Variants in COG6 observed in about 807,000 individuals in gnomAD.
The protein encoded by COG6 is conserved oligomeric Golgi complex subunit 6.
COG6 carries 74 observed loss-of-function variants against 88.8 expected under a neutral mutation model. The ratio of observed to expected loss-of-function variants is 0.83; its 90% CI spans 0.69 to 1.01. The LOEUF (loss-of-function observed/expected upper bound fraction) is 1.01. COG6 is among the 50% of genes least tolerant of loss of function. The pLI is 0.00. For synonymous variants in COG6, 286 were observed against 278.7 expected, an observed-to-expected ratio of 1.03 and a Z score of -0.26; for missense variants, 800 against 797.9, an observed-to-expected ratio of 1.00 and a Z score of -0.03.
intron 18 of COG6, among the ~76,000 whole-genome samples, chr13:39,779,906 A>G (rs1593487817): frequency 6.6e-6 from 1 of 152,226 alleles, no homozygotes; most frequent in Non-Finnish European, 1.5e-5. Context: ...ATTATCCTAG[A>G]TTAAATAAAA....
chr13:39,749,330 A>C (rs1001155443), intron 18 of COG6, among the ~76,000 whole-genome samples: 1 of 152,228 alleles, frequency 6.6e-6, no homozygotes, highest in South Asian at 2.1e-4. Context: ...ACATGTGAAC[A>C]TAAACAGTGT....
chr13:39,702,082 A>G (rs1877615271), intron 13 of COG6, among the ~76,000 whole-genome samples: 1 of 152,066 alleles, frequency 6.6e-6, no homozygotes, highest in South Asian at 2.1e-4. Flanking sequence ...TGTGCTAATC[A>G]TCTGAAAATC....
rs117019424 is a variant in COG6 at position 39,700,261 on chromosome 13, T to A, written c.1284+643T>A. ...TGTCACAATCACCATGCTGGCTTTT[T>A]AATTGTACTACTCTATCTAATAGGC... On this transcript the variant is annotated intron_variant, in intron 13 of 18. Transcript: ENST00000455146. Among the ~76,000 whole-genome samples the A allele has an allele frequency of 3.9e-3, 598 of 152,014 alleles. 17 individuals are homozygous for A. In the East Asian group the frequency reaches 0.068, roughly 17 times the overall value.
intron 13 of COG6, among the ~76,000 whole-genome samples, chr13:39,709,123 T>TA (rs1171880136): frequency 6.6e-6 from 1 of 152,184 alleles, no homozygotes; most frequent in African/African-American, 2.4e-5. Context: ...ATTGAGTTTT[T>TA]ACTAAATGTA....
At chr13:39,741,988 A>G (rs1880068749) in intron 18 of COG6, among the ~76,000 whole-genome samples, 1 of 152,242 alleles carries the variant, frequency 6.6e-6, no homozygotes, top group South Asian at 2.1e-4. Context: ...CTAGAATTTC[A>G]TATCCAGACA....
At chr13:39,691,257 A>G (rs760136948) in intron 11 of COG6, among the ~76,000 whole-genome samples, 7 of 151,884 alleles carry the variant, frequency 4.6e-5, no homozygotes, top group Non-Finnish European at 1.0e-4. Flanking sequence ...AAAAATGTTT[A>G]AACTAATCCA....
At chr13:39,666,597 T>C (rs61030027) in intron 4 of COG6, among the ~76,000 whole-genome samples, 1,900 of 152,018 alleles carry the variant, frequency 0.012, 41 homozygotes, top group African/African-American at 0.043. Flanking sequence ...GACATTCTTT[T>C]ATTTTGAGCC....
chr13:39,722,832 C>T (rs912615532), intron 15 of COG6, among the ~76,000 whole-genome samples: 2 of 152,016 alleles, frequency 1.3e-5, no homozygotes, highest in Non-Finnish European at 2.9e-5. Context: ...CTACTGGGCC[C>T]TCAGCTCTTC....
intron 15 of COG6, among the ~76,000 whole-genome samples, chr13:39,720,115 A>T (rs1878775441): frequency 6.6e-6 from 1 of 152,042 alleles, no homozygotes; most frequent in South Asian, 2.1e-4. Context: ...GTGATAGTAG[A>T]TTGAAGCTTT....
At chr13:39,685,467 G>C (rs1876581909) in intron 8 of COG6, among the ~76,000 whole-genome samples, 1 of 152,050 alleles carries the variant, frequency 6.6e-6, no homozygotes, top group Non-Finnish European at 1.5e-5. Context: ...TCCAGTGTTT[G>C]CCAGGCTTGG....
chr13:39,695,170 T>C (rs1877206564), intron 12 of COG6, among the ~76,000 whole-genome samples: 1 of 151,788 alleles, frequency 6.6e-6, no homozygotes, highest in Non-Finnish European at 1.5e-5. Flanking sequence ...GCATAGTGAA[T>C]GAAATGTTCT....
intron 13 of COG6, among the ~76,000 whole-genome samples, chr13:39,711,751 T>C (rs958129037): frequency 6.6e-6 from 1 of 152,236 alleles, no homozygotes; most frequent in Non-Finnish European, 1.5e-5. Context: ...GATAGAAATA[T>C]AAAGAAAGTT....
intron 8 of COG6, 38 bp from the exon 9 acceptor site, chr13:39,687,464 AC>A: frequency 1.2e-6 from 2 of 1,600,146 alleles, no homozygotes; most frequent in East Asian, 4.5e-5. Flanking sequence ...GCCACTAGAA[AC>A]AACCCCAACC....
chr13:39,662,040 A>C (rs1874928734), intron 3 of COG6, among the ~76,000 whole-genome samples: 1 of 151,866 alleles, frequency 6.6e-6, no homozygotes, highest in African/African-American at 2.4e-5. Flanking sequence ...AGAGAGATTT[A>C]AATATAAAAA....
chr13:39,711,445 G>T (rs951380856), intron 13 of COG6, among the ~76,000 whole-genome samples: 1 of 152,048 alleles, frequency 6.6e-6, no homozygotes, highest in South Asian at 2.1e-4. Context: ...TAACACTTCG[G>T]TGTAGTGGTT....
chr13:39,786,170 T>G (rs1881767047), intron 18 of COG6, among the ~76,000 whole-genome samples: 1 of 151,986 alleles, frequency 6.6e-6, no homozygotes, highest in East Asian at 1.9e-4. Flanking sequence ...TGAACCCTAG[T>G]GAGAAGAGAG....
At chr13:39,697,658 C>T (rs1356646807) in intron 12 of COG6, among the ~76,000 whole-genome samples, 1 of 151,876 alleles carries the variant, frequency 6.6e-6, no homozygotes, top group Non-Finnish European at 1.5e-5. Flanking sequence ...TCTCTCCTGC[C>T]CCTATCTGAT....
chr13:39,768,126 GTCTA>G (rs1881219913), intron 18 of COG6, among the ~76,000 whole-genome samples: 1 of 152,142 alleles, frequency 6.6e-6, no homozygotes, highest in African/African-American at 2.4e-5. Flanking sequence ...ACACATGTCT[GTCTA>G]TCTCTTTCAC....
intron 13 of COG6, among the ~76,000 whole-genome samples, chr13:39,710,747 T>G (rs1878192247): frequency 6.6e-6 from 1 of 152,148 alleles, no homozygotes; most frequent in Admixed American, 6.5e-5. Flanking sequence ...GTGATAACTA[T>G]TGTTCCTACT....
Sources: gnomAD v4.1 joint callset for allele counts (sites outside exome capture counted in the v4.1 genomes callset) on GRCh38, gnomAD v4.1.1 for gene constraint, MANE v1.5 for transcripts, NCBI Gene and HGNC (gene_info 2026-07-23, HGNC 2026-07-21) for gene names.